Variants in RP1L1 observed in about 807,000 individuals in gnomAD.
RP1L1 encodes the protein RP1 like 1, also known as retinitis pigmentosa 1-like 1 protein.
In RP1L1, 27 loss-of-function variants were observed where a neutral mutation model predicts 15.7. The ratio of observed to expected loss-of-function variants is 1.72; its 90% CI spans 1.27 to 2.38. The LOEUF is 2.38. Among genes scored for constraint, RP1L1 ranks in the 30% most tolerant of loss-of-function variants. The pLI, the probability that RP1L1 is intolerant of heterozygous loss-of-function variation, is 0.00. For synonymous variants in RP1L1, 1,813 were observed against 1,276.7 expected (o/e 1.42, Z -8.96); for missense variants, 4,798 against 3,075.9 (o/e 1.56, Z -13.24).
rs762735738 is a variant in RP1L1, at chr8:10,622,703, T to C, written c.499A>G (p.Thr167Ala). The C allele has an allele frequency of 1.5e-5, 24 of 1,614,070 alleles. 1 individual carries two copies. The South Asian group carries it at 2.6e-4, about 18-fold the overall frequency. ...IKNMDPRLQQ[T>A]VVLSHRNTRN... Reference sequence around the variant, plus strand: ...GTATTCCTGTGACTGAGAACCACTGTCTGCTGGAGGCGAGGGTCCATGTTC... The same window carrying C: ...GTATTCCTGTGACTGAGAACCACTGCCTGCTGGAGGCGAGGGTCCATGTTC... The change falls in exon 2 of 4, where the codon ACA (threonine) becomes GCA (alanine). Residue 167 changes from threonine to alanine, a missense_variant. Coordinates refer to ENST00000382483, the MANE Select transcript of RP1L1 (RefSeq NM_178857.6).
intron 1 of RP1L1, among the ~76,000 whole-genome samples, chr8:10,653,890 G>T (rs766511306): frequency 6.6e-6 from 1 of 152,160 alleles, no homozygotes; most frequent in Non-Finnish European, 1.5e-5. Context: ...ACCTCCCCCA[G>T]GGAAGGAGTC....
At chr8:10,634,403 C>A (rs1385180997) in intron 1 of RP1L1, among the ~76,000 whole-genome samples, 1 of 152,138 alleles carries the variant, frequency 6.6e-6, no homozygotes, top group Non-Finnish European at 1.5e-5. Flanking sequence ...TCATCATCAG[C>A]ATCTGTGAGG....
At chr8:10,650,596 G>A (rs973533500) in intron 1 of RP1L1, among the ~76,000 whole-genome samples, 18 of 148,392 alleles carry the variant, frequency 1.2e-4, no homozygotes, top group Admixed American at 7.5e-4. Flanking sequence ...TCGCTCTGTC[G>A]TCCAGGCTGG....
rs547631676 is a variant in RP1L1 at position 10,611,941 on chromosome 8, C to G, written c.2157G>C (p.Leu719=). ...GAAGAGAGCCCGAGGAGGGAGGTCT[C>G]AGGTTCCCAGAGGCCTGTGTCCTGG... is the stretch of plus-strand genomic sequence containing the variant. ...SSTRTQASGN[L]RPPSSGSLPS... is the part of the protein sequence containing the mutation. The change falls in exon 4 of 4, where the codon CTG becomes CTC. Residue 719 remains leucine (L), a synonymous_variant. Transcript: ENST00000382483. The G allele has an allele frequency of 4.3e-6, 7 of 1,613,886 alleles. No homozygotes were observed. In the Admixed American group the frequency reaches 5.0e-5, roughly 12 times the overall value.
In RP1L1 at chr8:10,610,552, T is replaced by G; in HGVS notation, c.3546A>C (p.Pro1182=). Residue 1182 remains proline (P), a synonymous_variant, in exon 4 of 4, where the codon CCA becomes CCC. Transcript: ENST00000382483. ...LWELTWSQAL[P]DLGSHAMTEN... ...CCGTCATGGCATGGGACCCAAGGTC[T>G]GGCAGAGCCTGGCTCCATGTGAGCT... The G allele has an allele frequency of 6.2e-7, 1 of 1,613,698 alleles. No individual in the cohort carries two copies. The highest frequency in any genetic ancestry group is 8.5e-7 in the Non-Finnish European group (1 of 1,180,022).
At chr8:10,640,820 G>C (rs1466068721) in intron 1 of RP1L1, among the ~76,000 whole-genome samples, 2 of 152,028 alleles carry the variant, frequency 1.3e-5, no homozygotes, top group African/African-American at 2.4e-5. Flanking sequence ...GCCCAAGCTG[G>C]AGTACAATGG....
Position 10,612,859 on chromosome 8 carries a change from A to G in RP1L1, c.1239T>C (p.His413=). Residue 413 remains histidine (H), a synonymous_variant, in exon 4 of 4, where the codon CAT becomes CAC. Coordinates refer to ENST00000382483, the MANE Select transcript of RP1L1 (RefSeq NM_178857.6). ...PKYEIWTNPL[H]ASQGERVAAR... is the part of the protein sequence containing the mutation. Reference sequence around the variant, plus strand: ...CTGCCACTCTCTCTCCCTGGGAGGCATGCAGGGGATTCGTCCAGATTTCAT... The same window carrying G: ...CTGCCACTCTCTCTCCCTGGGAGGCGTGCAGGGGATTCGTCCAGATTTCAT... The G allele has an allele frequency of 6.2e-7, 1 of 1,612,798 alleles. No homozygotes were observed. The highest frequency in any genetic ancestry group is 8.5e-7 in the Non-Finnish European group (1 of 1,179,896).
At chr8:10,646,102 C>G (rs546914540) in intron 1 of RP1L1, among the ~76,000 whole-genome samples, 2 of 152,318 alleles carry the variant, frequency 1.3e-5, no homozygotes, top group South Asian at 2.1e-4. Flanking sequence ...CAGGCAAGAA[C>G]CAGGCTGCAC....
rs761251050 is a variant in RP1L1 at position 10,608,623 on chromosome 8, A to G, written c.5475T>C (p.Asp1825=). 40 of 1,613,816 alleles carry G rather than the reference A, an allele frequency of 2.5e-5. No homozygotes were observed. The highest frequency in any genetic ancestry group is 3.4e-5 in the Non-Finnish European group (40 of 1,179,984). The change falls in exon 4 of 4, where the codon GAT becomes GAC. Residue 1825 remains aspartate, a synonymous_variant. Transcript: ENST00000382483. The part of the protein sequence containing the change: ...QGEAAAGGDQ[D]PGQSDGAEGI... ...CTTCGGCCCCATCACTCTGTCCTGG[A>G]TCTTGGTCACCTCCTGCCGCAGCTT...
At chr8:10,616,644 G>C (rs1225834654) in intron 2 of RP1L1, 57 bp from the exon 3 acceptor site, 20 of 1,554,548 alleles carry the variant, frequency 1.3e-5, no homozygotes, top group Non-Finnish European at 1.7e-5. Flanking sequence ...CCTCTACCCT[G>C]AGGCCTGGGG....
At chr8:10,623,586 A>G (rs56020877) in intron 1 of RP1L1, among the ~76,000 whole-genome samples, 8,254 of 150,742 alleles carry the variant, frequency 0.055, 732 homozygotes, top group African/African-American at 0.19. Flanking sequence ...CAGTACTTCA[A>G]TGTCCCCAGA....
intron 3 of RP1L1, among the ~76,000 whole-genome samples, chr8:10,615,623 G>C (rs1585972995): frequency 6.6e-6 from 1 of 152,176 alleles, no homozygotes; most frequent in East Asian, 1.9e-4. Flanking sequence ...CAAACTCCTG[G>C]GCTCAAATCA....
intron 1 of RP1L1, among the ~76,000 whole-genome samples, chr8:10,633,462 C>T (rs1386867507): frequency 6.6e-6 from 1 of 152,170 alleles, no homozygotes. Context: ...AGCTTCCAGC[C>T]AAACAAAACC....
Position 10,609,915 on chromosome 8 carries a change from T to A in RP1L1, c.4183A>T (p.Lys1395Ter). The A allele has an allele frequency of 6.2e-7, 1 of 1,614,156 alleles. No homozygotes were observed. Among genetic ancestry groups the A allele is most frequent in the South Asian group, 1.1e-5 (1 of 91,088 alleles). ...CCTTCTTCTGGAAGTCCTTCCTCTT[T>A]GAGACCCTCTTCAAGAGCCTCTCCT... ...LQGEALEEGL[K>*]EEGLPEEGSV... is the part of the protein sequence containing the mutation. Residue 1395 changes from lysine (K) to a stop codon, truncating the protein, a stop_gained, in exon 4 of 4, where the codon AAA becomes TAA. Transcript: ENST00000382483. LOFTEE classifies it low-confidence loss of function (END_TRUNC).
chr8:10,613,104 C>T lies in RP1L1; in HGVS notation c.994G>A (p.Val332Ile), dbSNP rs779204018. 7.0e-5 allele frequency: 113 copies of T among 1,613,794 alleles called. 1 individual carries two copies. In the East Asian group the frequency reaches 2.5e-3, roughly 36 times the overall value. ...GACCATAGGAGCGTGTCCTCGCCGA[C>T]CAGGTGGAAGCGGACTTTCATCTCC... ...SVEMKVRFHL[V>I]GEDTLLWSRR... is the part of the protein sequence containing the mutation. Residue 332 changes from valine (V) to isoleucine (I), a missense_variant, in exon 4 of 4, where the codon GTC (valine) becomes ATC (isoleucine). Coordinates refer to ENST00000382483, the MANE Select transcript of RP1L1 (RefSeq NM_178857.6).
intron 1 of RP1L1, 43 bp from the exon 2 acceptor site, chr8:10,623,263 G>A (rs1563131649): frequency 2.8e-6 from 4 of 1,436,270 alleles, no homozygotes; most frequent in Non-Finnish European, 2.8e-6. Context: ...GCAGCTTGGG[G>A]GATTGGCATT....
chr8:10,622,913 C>G lies in RP1L1; in HGVS notation c.289G>C (p.Glu97Gln), dbSNP rs142083988. 979 of 1,613,996 alleles carry G rather than the reference C, an allele frequency of 6.1e-4. 16 individuals carry two copies. In the East Asian group the frequency reaches 0.022, roughly 36 times the overall value. The change falls in exon 2 of 4, where the codon GAA (glutamate) becomes CAA (glutamine). Residue 97 changes from glutamate to glutamine, a missense_variant. Coordinates refer to ENST00000382483, the MANE Select transcript of RP1L1 (RefSeq NM_178857.6). Reference protein sequence around the residue: ...LHSLSALEQLEDGGCYLCSDK... With the variant: ...LHSLSALEQLQDGGCYLCSDK... ...GAGCAGAGGTAGCAGCCTCCATCTT[C>G]CAGCTGCTCCAGGGCGCTGAGGCTA...
chr8:10,641,353 T>C (rs998696860), intron 1 of RP1L1, among the ~76,000 whole-genome samples: 15 of 151,602 alleles, frequency 9.9e-5, no homozygotes, highest in Admixed American at 2.6e-4. Flanking sequence ...CCCCTGGGGG[T>C]TCTCTGGACT....
At chr8:10,615,949 G>T (rs1006186771) in intron 3 of RP1L1, among the ~76,000 whole-genome samples, 4 of 152,070 alleles carry the variant, frequency 2.6e-5, no homozygotes, top group African/African-American at 9.7e-5. Context: ...CTGTCACCCA[G>T]GCTGGAGTGA....
Sources: allele counts gnomAD v4.1 joint callset (sites outside exome capture counted in the v4.1 genomes callset), GRCh38; gene constraint gnomAD v4.1.1; transcripts MANE v1.5; gene names NCBI Gene and HGNC (gene_info 2026-07-23, HGNC 2026-07-21).